Variants in APBB2 observed in about 807,000 individuals in gnomAD.
The protein encoded by APBB2 is amyloid beta precursor protein binding family B member 2.
In APBB2, 38 loss-of-function variants were observed where a neutral mutation model predicts 82.5. The ratio of observed to expected loss-of-function variants is 0.46; its 90% CI spans 0.36 to 0.60. The LOEUF is 0.60. Among genes scored for constraint, APBB2 ranks in the 20% least tolerant of loss-of-function variants. APBB2 has a pLI of 0.00. For synonymous variants in APBB2, 341 were observed against 368.2 expected (o/e 0.93, Z 0.85); for missense variants, 772 against 972.3 (o/e 0.79, Z 2.74).
At chr4:40,976,360 G>C (rs1344172503) in intron 6 of APBB2, among the ~76,000 whole-genome samples, 2 of 152,144 alleles carry the variant, frequency 1.3e-5, no homozygotes, top group Non-Finnish European at 2.9e-5. Flanking sequence ...ATAATTTACT[G>C]TAAAAACTAA....
intron 1 of APBB2, among the ~76,000 whole-genome samples, chr4:41,156,043 T>G (rs1763363899): frequency 6.6e-6 from 1 of 151,824 alleles, no homozygotes. Context: ...TGTATTTTAG[T>G]AGTACATAAG....
chr4:40,995,357 T>A (rs1437990369), intron 6 of APBB2, among the ~76,000 whole-genome samples: 1 of 152,086 alleles, frequency 6.6e-6, no homozygotes, highest in South Asian at 2.1e-4. Flanking sequence ...GAGAAGTTGA[T>A]TAATAAGTCC....
At chr4:41,053,127 A>G (rs79240460) in intron 4 of APBB2, among the ~76,000 whole-genome samples, 6,723 of 152,274 alleles carry the variant, frequency 0.044, 225 homozygotes, top group Middle Eastern at 0.078. Flanking sequence ...TATTTTTTAA[A>G]TGAATAACTG....
chr4:41,115,666 ACACTTCTCAAAAGAAAACATTTATGCAGC>A (rs1472901769), intron 2 of APBB2, among the ~76,000 whole-genome samples: 1 of 152,244 alleles, frequency 6.6e-6, no homozygotes, highest in Non-Finnish European at 1.5e-5. Context: ...ATATGAACAG[ACACTTCTCAAAAGAAAACATTTATGCAGC>A]CAACAAACAT....
chr4:41,104,206 A>C (rs1028016884), intron 2 of APBB2, among the ~76,000 whole-genome samples: 1 of 152,246 alleles, frequency 6.6e-6, no homozygotes, highest in South Asian at 2.1e-4. Context: ...GTAAGAAAAG[A>C]GAGATTGGTC....
chr4:40,973,897 G>A (rs1038903503), intron 6 of APBB2, among the ~76,000 whole-genome samples: 32 of 150,020 alleles, frequency 2.1e-4, no homozygotes, highest in Non-Finnish European at 4.3e-4. Flanking sequence ...TGTCGCCCAG[G>A]TTGGAGTGCA....
chr4:41,083,883 T>C (rs904971782), intron 3 of APBB2, among the ~76,000 whole-genome samples: 6 of 152,038 alleles, frequency 3.9e-5, no homozygotes, highest in Non-Finnish European at 5.9e-5. Context: ...ATAAAAGTTA[T>C]GTTACATTCA....
intron 1 of APBB2, among the ~76,000 whole-genome samples, chr4:41,152,235 C>T (rs1762438285): frequency 6.6e-6 from 1 of 151,814 alleles, no homozygotes; most frequent in South Asian, 2.1e-4. Context: ...ATATTTCATA[C>T]CTAGTAATTT....
At chr4:40,954,189 C>CTTCT (rs1790969295) in intron 6 of APBB2, among the ~76,000 whole-genome samples, 1 of 152,210 alleles carries the variant, frequency 6.6e-6, no homozygotes, top group Non-Finnish European at 1.5e-5. Flanking sequence ...AATAGATTTG[C>CTTCT]TTCTAGCAGC....
At chr4:41,000,619 T>C (rs1178805009) in intron 6 of APBB2, among the ~76,000 whole-genome samples, 2 of 152,172 alleles carry the variant, frequency 1.3e-5, no homozygotes, top group East Asian at 1.9e-4. Context: ...ATGGAAATAT[T>C]GTCCCTCAAT....
At chr4:41,167,916 C>T (rs1767111824) in intron 1 of APBB2, among the ~76,000 whole-genome samples, 1 of 152,258 alleles carries the variant, frequency 6.6e-6, no homozygotes, top group African/African-American at 2.4e-5. Context: ...CAACATGGTG[C>T]TTTTCCACAG....
chr4:40,857,091 G>A (rs1761461776), intron 12 of APBB2: 2 of 985,356 alleles, frequency 2.0e-6, no homozygotes, highest in African/African-American at 1.7e-5. Flanking sequence ...CAAGCCCCAG[G>A]GTGCCGGCAC....
At chr4:41,048,505 T>C (rs918063347) in intron 4 of APBB2, among the ~76,000 whole-genome samples, 3 of 152,216 alleles carry the variant, frequency 2.0e-5, no homozygotes, top group South Asian at 2.1e-4. Flanking sequence ...CCTCATTTTA[T>C]AGATGTCATA....
At chr4:40,854,790 C>CAAAAAAAAAAA (rs80240731) in intron 12 of APBB2, among the ~76,000 whole-genome samples, 17 of 124,814 alleles carry the variant, frequency 1.4e-4, no homozygotes, top group African/African-American at 4.4e-4. Context: ...AGTCCATCTC[C>CAAAAAAAAAAA]AAAAAAAAAA....
intron 2 of APBB2, among the ~76,000 whole-genome samples, chr4:41,133,734 A>C (rs1269682886): frequency 2.6e-5 from 4 of 152,190 alleles, no homozygotes; most frequent in African/African-American, 9.7e-5. Context: ...ATAGAGGTAA[A>C]CACCTTGGTC....
intron 6 of APBB2, among the ~76,000 whole-genome samples, chr4:41,010,284 T>C (rs534184023): frequency 2.6e-5 from 4 of 152,210 alleles, no homozygotes; most frequent in African/African-American, 9.6e-5. Context: ...TCGAGCATAT[T>C]TGATTTGAAA....
At chr4:40,839,336 C>A (rs57528733) in intron 12 of APBB2, among the ~76,000 whole-genome samples, 59,126 of 151,554 alleles carry the variant, frequency 0.39, 11,867 homozygotes, top group African/African-American at 0.48. Context: ...TGGCACAGAA[C>A]AAGTTGACCT....
chr4:41,073,341 TC>T (rs1734534381), intron 3 of APBB2, among the ~76,000 whole-genome samples: 1 of 152,226 alleles, frequency 6.6e-6, no homozygotes, highest in Admixed American at 6.5e-5. Context: ...TTTCTCTTTC[TC>T]CCATTTTTCT....
rs536942979 is a variant in APBB2, at chr4:41,028,147, A to T, written c.19+5089T>A. ...CTACACCCATTCAATCATTCAACAG[A>T]TATTTTTTGTGCACTACTCCATGCC... On this transcript the variant is annotated intron_variant, in intron 5 of 17. Transcript: ENST00000508593. Among the ~76,000 whole-genome samples the T allele has an allele frequency of 5.9e-5, 9 of 152,354 alleles. No individual in the cohort carries two copies. In the South Asian group the frequency reaches 1.9e-3, roughly 32 times the overall value.
Sources: gnomAD v4.1 joint callset for allele counts (sites outside exome capture counted in the v4.1 genomes callset) on GRCh38, gnomAD v4.1.1 for gene constraint, MANE v1.5 for transcripts, NCBI Gene and HGNC (gene_info 2026-07-23, HGNC 2026-07-21) for gene names.